Variants in PHF21A observed in about 807,000 individuals in gnomAD.
PHF21A encodes the protein PHD finger protein 21A, also known as BHC80a.
In PHF21A, 11 loss-of-function variants were observed where a neutral mutation model predicts 82.5. That is an observed-to-expected ratio of 0.13 (90% CI 0.08 to 0.22). The LOEUF (loss-of-function observed/expected upper bound fraction) is 0.22. Ranked by LOEUF, PHF21A falls within the 10% of genes least tolerant of loss-of-function variation. The pLI, the probability that PHF21A is intolerant of heterozygous loss-of-function variation, is 1.00. For synonymous variants in PHF21A, 297 were observed against 302.8 expected (o/e 0.98, Z 0.20); for missense variants, 579 against 837.8 (o/e 0.69, Z 3.81).
intron 1 of PHF21A, among the ~76,000 whole-genome samples, chr11:46,108,442 T>C (rs1485250388): frequency 1.3e-5 from 2 of 151,984 alleles, no homozygotes; most frequent in Admixed American, 1.3e-4. Context: ...CCTCCAACCT[T>C]ACTCCCACTT....
chr11:46,093,832 T>A (rs903238921), intron 1 of PHF21A, among the ~76,000 whole-genome samples: 4 of 152,234 alleles, frequency 2.6e-5, no homozygotes, highest in African/African-American at 9.6e-5. Context: ...TATGCATCGA[T>A]TTCCAGCAGC....
intron 6 of PHF21A, among the ~76,000 whole-genome samples, chr11:46,005,305 T>C (rs754615899): frequency 6.6e-6 from 1 of 152,206 alleles, no homozygotes; most frequent in Non-Finnish European, 1.5e-5. Flanking sequence ...ATGTAAAATA[T>C]TGTATAAAAT....
chr11:45,932,072 G>A lies in PHF21A; in HGVS notation c.*1896C>T, dbSNP rs1488101930. ...GGCAAGACAGAGCGAAGGCCACGCT[G>A]GGGCTCTGTCTCAGAGACGTACCCT... On this transcript the variant is annotated 3_prime_UTR_variant, in exon 19 of 19. Transcript: ENST00000676320. This position sits in a 1 kb window ranked among gnomAD's most constrained non-coding sequence, Gnocchi z 4.3. 6.6e-6 allele frequency: 1 copy of A among 152,330 alleles called. No individual in the cohort carries two copies. The highest frequency in any genetic ancestry group is 6.5e-5 in the Admixed American group (1 of 15,304). The allele number at this position is 152,330 out of a possible 1,614,324, so 9.4% of individuals were successfully genotyped here. A position where few individuals can be genotyped will look rare whatever the true frequency, so the allele number is the denominator to read the frequency against.
chr11:46,005,731 G>T (rs1319304581), intron 6 of PHF21A, among the ~76,000 whole-genome samples: 2 of 152,092 alleles, frequency 1.3e-5, no homozygotes, highest in Non-Finnish European at 2.9e-5. Flanking sequence ...ATGAATAAAA[G>T]AATAATATTT....
At chr11:45,949,205 C>T (rs1239869595) in intron 13 of PHF21A, among the ~76,000 whole-genome samples, 197 bp downstream of exon 13, 1 of 152,080 alleles carries the variant, frequency 6.6e-6, no homozygotes, top group Non-Finnish European at 1.5e-5. Flanking sequence ...CATGTATCTG[C>T]TGAAACTTAG....
Position 45,949,421 on chromosome 11 carries a change from C to A in PHF21A, c.1208G>T (p.Gly403Val). The A allele has an allele frequency of 6.2e-7, 1 of 1,614,124 alleles. No individual in the cohort carries two copies. Among genetic ancestry groups the A allele is most frequent in the African/African-American group, 1.3e-5 (1 of 75,058 alleles). The change falls in exon 13 of 19, where the codon GGA (glycine) becomes GTA (valine). Residue 403 changes from glycine to valine, a missense_variant. Transcript: ENST00000676320. The stretch of plus-strand genomic sequence containing the variant: ...TAATACCTCTGGCTCAAAGACTGCT[C>A]CACTGTAGACCGGATTTGCTGTTGT... ...RRTTANPVYS[G>V]AVFEPERKKS...
At chr11:45,949,629 A>T (rs117675627) in intron 12 of PHF21A, 148 bp from the exon 13 acceptor site, 14,322 of 696,982 alleles carry the variant, frequency 0.021, 200 homozygotes, top group Middle Eastern at 0.036. Flanking sequence ...AGGCAAGCAC[A>T]CTACTGGAAG....
chr11:45,951,195 A>G (rs1435231720), intron 11 of PHF21A, among the ~76,000 whole-genome samples: 1 of 152,206 alleles, frequency 6.6e-6, no homozygotes, highest in Non-Finnish European at 1.5e-5. Flanking sequence ...CAAATAATAC[A>G]TTATCAATTT....
chr11:45,977,843 CT>C (rs543050172), intron 7 of PHF21A, among the ~76,000 whole-genome samples: 461 of 136,660 alleles, frequency 3.4e-3, no homozygotes, highest in African/African-American at 4.8e-3. Context: ...TCTTCTTCTT[CT>C]TTTTTTTTTT....
chr11:45,993,822 G>T (rs117499746), intron 6 of PHF21A, among the ~76,000 whole-genome samples: 172 of 151,914 alleles, frequency 1.1e-3, no homozygotes, highest in Non-Finnish European at 1.9e-3. Flanking sequence ...GAAACGGGAC[G>T]GTCAGAGATG....
At chr11:45,995,365 C>T (rs1591732399) in intron 6 of PHF21A, among the ~76,000 whole-genome samples, 1 of 152,300 alleles carries the variant, frequency 6.6e-6, no homozygotes, top group East Asian at 1.9e-4. Flanking sequence ...GCTGAAGGTG[C>T]TCCTGTCCTA....
At chr11:46,084,374 G>T in intron 3 of PHF21A, 72 bp from the exon 4 acceptor site, 1 of 520,192 alleles carries the variant, frequency 1.9e-6, no homozygotes, top group Non-Finnish European at 3.2e-6. Context: ...AATAAATTAT[G>T]TTAGTAAAAG....
At chr11:45,995,788 C>G (rs1290787982) in intron 6 of PHF21A, among the ~76,000 whole-genome samples, 1 of 151,964 alleles carries the variant, frequency 6.6e-6, no homozygotes, top group Non-Finnish European at 1.5e-5. Context: ...CATGTGTAGA[C>G]AAAAACAAAC....
chr11:46,100,341 T>C (rs562300160), intron 1 of PHF21A, among the ~76,000 whole-genome samples: 29 of 152,270 alleles, frequency 1.9e-4, no homozygotes, highest in African/African-American at 6.7e-4. Context: ...GGGGTCCCAT[T>C]AGGCACCCTA....
intron 10 of PHF21A, among the ~76,000 whole-genome samples, chr11:45,957,032 A>G (rs540147551): frequency 1.3e-5 from 2 of 152,336 alleles, no homozygotes; most frequent in African/African-American, 4.8e-5. Context: ...TACGAGAGAC[A>G]AAGAACCTCA....
rs769552290 is a variant in PHF21A at position 45,945,948 on chromosome 11, G to A, written c.1344C>T (p.Ser448=). ...VLGFGALTPT[S]PQSSHPDSPE... ...GGGAGTCAGGATGACTGGATTGGGG[G>A]GATGTTGGGGTAAGGGCTCCAAACC... The change falls in exon 15 of 19, where the codon TCC becomes TCT. Residue 448 remains serine, a synonymous_variant. Transcript: ENST00000676320. The A allele has an allele frequency of 6.2e-7, 1 of 1,613,614 alleles. No homozygotes were observed. The highest frequency in any genetic ancestry group is 8.5e-7 in the Non-Finnish European group (1 of 1,179,698).
intron 18 of PHF21A, chr11:45,935,358 T>C (rs2088661427): frequency 1.2e-6 from 1 of 857,338 alleles, no homozygotes; most frequent in Middle Eastern, 3.7e-4. Flanking sequence ...TACACTGTTG[T>C]AGCTGTTACT....
intron 15 of PHF21A, among the ~76,000 whole-genome samples, chr11:45,942,862 T>A (rs998335792): frequency 6.6e-6 from 1 of 152,216 alleles, no homozygotes; most frequent in Admixed American, 6.5e-5. Context: ...TGACAAGCTC[T>A]GTAATTCACC....
chr11:45,983,794 C>G (rs2094393532), intron 6 of PHF21A, among the ~76,000 whole-genome samples: 1 of 152,148 alleles, frequency 6.6e-6, no homozygotes, highest in South Asian at 2.1e-4. Flanking sequence ...TAGGTCAGTA[C>G]CACTTCTGGG....
Sources: allele counts gnomAD v4.1 joint callset (sites outside exome capture counted in the v4.1 genomes callset), GRCh38; gene constraint gnomAD v4.1.1; non-coding constraint Gnocchi (gnomAD v3.1); transcripts MANE v1.5; gene names NCBI Gene and HGNC (gene_info 2026-07-23, HGNC 2026-07-21).